SATL1: variants seen among roughly 807,000 people sequenced by gnomAD.
SATL1 encodes spermidine/spermine N(1)-acetyltransferase-like protein 1.
A neutral mutation model predicts 51.8 loss-of-function variants in SATL1; 47 were observed. The observed-to-expected ratio is 0.91, with a 90% confidence interval of 0.72 to 1.16. The LOEUF is 1.16. SATL1 is among the 50% of genes most tolerant of loss of function. The pLI is 0.00. For synonymous variants in SATL1, 176 were observed against 182.4 expected, an observed-to-expected ratio of 0.97 and a Z score of 0.28; for missense variants, 520 against 526.4, an observed-to-expected ratio of 0.99 and a Z score of 0.12.
At chrX:85,221,584 T>G (rs1313009849) in intron 2 of SATL1, among the ~76,000 whole-genome samples, 2 of 112,115 alleles carry the variant, frequency 1.8e-5, no homozygotes, top group Admixed American at 1.9e-4. Flanking sequence ...TTGGTTTCTC[T>G]TTTAGAGCCT....
intron 2 of SATL1, among the ~76,000 whole-genome samples, chrX:85,152,998 T>TA (rs35172254): frequency 1.7e-4 from 18 of 108,237 alleles, no homozygotes; most frequent in Non-Finnish European, 2.1e-4. Flanking sequence ...AAATAAAAAT[T>TA]AAAAAAAAAT....
intron 2 of SATL1, among the ~76,000 whole-genome samples, chrX:85,220,644 TAAAAAAAAAAAAAAAAAAAAAAAA>T (rs57383092): frequency 4.6e-4 from 11 of 24,162 alleles, no homozygotes; most frequent in East Asian, 3.7e-3. Context: ...ACTTCTGTGT[TAAAAAAAAAAAAAAAAAAAAAAAA>T]AAAAAAAAAA....
intron 4 of SATL1, among the ~76,000 whole-genome samples, chrX:85,095,463 T>G (rs1407983099): frequency 1.8e-5 from 2 of 111,353 alleles, no homozygotes; most frequent in African/African-American, 6.5e-5. Flanking sequence ...GGAGCTGCCC[T>G]GTTTTGTGAG....
chrX:85,097,792 A>C (rs1924774674), intron 4 of SATL1, among the ~76,000 whole-genome samples: 1 of 112,389 alleles, frequency 8.9e-6, no homozygotes, highest in South Asian at 3.7e-4. Flanking sequence ...ATAACCATCA[A>C]ATATAATCCC....
chrX:85,154,935 T>G (rs761602333), intron 2 of SATL1, among the ~76,000 whole-genome samples: 5 of 111,823 alleles, frequency 4.5e-5, no homozygotes, highest in Non-Finnish European at 9.4e-5. Context: ...TTACCCTCTA[T>G]GCAGTATAAA....
intron 2 of SATL1, among the ~76,000 whole-genome samples, chrX:85,152,208 A>G (rs1926463076): frequency 8.9e-6 from 1 of 112,445 alleles, no homozygotes; most frequent in African/African-American, 3.2e-5. Flanking sequence ...CAAAAGACAC[A>G]TAAAAAAATG....
chrX:85,168,912 T>C (rs926758890), intron 2 of SATL1, among the ~76,000 whole-genome samples: 5 of 111,601 alleles, frequency 4.5e-5, no homozygotes, highest in Non-Finnish European at 9.4e-5. Flanking sequence ...ATACTACTTG[T>C]ACAAAAACAG....
chrX:85,134,304 G>A (rs1925894332), intron 2 of SATL1, among the ~76,000 whole-genome samples: 1 of 111,178 alleles, frequency 9.0e-6, no homozygotes, highest in Admixed American at 9.6e-5. Flanking sequence ...AATGAGAAAT[G>A]TCTGACTCAT....
At chrX:85,117,084 C>T (rs958911005) in intron 2 of SATL1, among the ~76,000 whole-genome samples, 7 of 111,665 alleles carry the variant, frequency 6.3e-5, no homozygotes, top group African/African-American at 2.3e-4. Context: ...ATGCGGGCAG[C>T]CCAGCCCATG....
At chrX:85,217,849 C>T (rs1187015111) in intron 2 of SATL1, among the ~76,000 whole-genome samples, 1 of 111,876 alleles carries the variant, frequency 8.9e-6, no homozygotes, top group Non-Finnish European at 1.9e-5. Flanking sequence ...GAAACACCTT[C>T]TAATCTCTAA....
chrX:85,159,385 C>T (rs1156282700), intron 2 of SATL1, among the ~76,000 whole-genome samples: 1 of 111,585 alleles, frequency 9.0e-6, no homozygotes, highest in Non-Finnish European at 1.9e-5. Context: ...GCATTAGATT[C>T]TCATAGGCAT....
In SATL1 at chrX:85,121,386, T is replaced by A. The variant is rs186121204; in HGVS notation, c.-312-12106A>T. Among the ~76,000 whole-genome samples the A allele has an allele frequency of 9.6e-5, 10 of 104,335 alleles. No homozygotes were observed. The Admixed American group carries it at 9.8e-4, about 10-fold the overall frequency. 90.6% of individuals were successfully genotyped at this position (104,335 alleles called of 115,157 possible). A position where few individuals can be genotyped will look rare whatever the true frequency, so the allele number is the denominator to read the frequency against. On this transcript the variant is annotated intron_variant, in intron 2 of 7. Coordinates refer to ENST00000644105, the MANE Select transcript of SATL1 (RefSeq NM_001367857.2). ...GTATGTATATAAATATATAAATATA[T>A]ACTATATATAAATATATATATTTCT...
At chrX:85,203,012 C>T (rs1419893696) in intron 2 of SATL1, among the ~76,000 whole-genome samples, 2 of 110,949 alleles carry the variant, frequency 1.8e-5, no homozygotes, top group Admixed American at 1.9e-4. Flanking sequence ...CAGGACCTGC[C>T]CAGTGAGGAG....
chrX:85,132,182 T>C (rs1284405701), intron 2 of SATL1, among the ~76,000 whole-genome samples: 2 of 111,596 alleles, frequency 1.8e-5, no homozygotes, highest in Non-Finnish European at 3.8e-5. Flanking sequence ...TTTCCTGAAT[T>C]TGAATGTTGG....
intron 2 of SATL1, among the ~76,000 whole-genome samples, chrX:85,165,827 T>A (rs979908975): frequency 9.0e-6 from 1 of 111,511 alleles, no homozygotes; most frequent in African/African-American, 3.3e-5. Context: ...AAAGCAAGAC[T>A]AAACAAAAAG....
chrX:85,143,101 G>C lies in SATL1; in HGVS notation c.-312-33821C>G, dbSNP rs1926148287. 2.7e-5 allele frequency: 3 copies of C among 111,334 alleles called. No individual in the cohort carries two copies. The South Asian group carries it at 1.1e-3, about 42-fold the overall frequency. 9.2% of individuals were successfully genotyped at this position (111,334 alleles called of 1,213,427 possible). On this transcript the variant is annotated intron_variant, in intron 2 of 7. Coordinates refer to ENST00000644105, the MANE Select transcript of SATL1 (RefSeq NM_001367857.2). ...ATGTTTCAAGCAAAGGTTTAACTTT[G>C]GCAAATAATAAAACATGAACCTTAG...
chrX:85,193,156 T>A (rs978386150), intron 2 of SATL1, among the ~76,000 whole-genome samples: 1 of 111,973 alleles, frequency 8.9e-6, no homozygotes, highest in African/African-American at 3.2e-5. Context: ...ACCTAATTGA[T>A]TCCTGTTACT....
intron 2 of SATL1, among the ~76,000 whole-genome samples, chrX:85,187,507 A>T (rs888325390): frequency 1.8e-5 from 2 of 111,640 alleles, no homozygotes; most frequent in Admixed American, 1.9e-4. Context: ...TAACCAATTT[A>T]TTGAGAGTTT....
At chrX:85,121,955 G>C (rs1239486441) in intron 2 of SATL1, among the ~76,000 whole-genome samples, 1 of 108,303 alleles carries the variant, frequency 9.2e-6, no homozygotes, top group Non-Finnish European at 1.9e-5. Context: ...ACATATATCA[G>C]AACATCGTGT....
Sources: gnomAD v4.1 joint callset for allele counts (sites outside exome capture counted in the v4.1 genomes callset) on GRCh38, gnomAD v4.1.1 for gene constraint, MANE v1.5 for transcripts, NCBI Gene and HGNC (gene_info 2026-07-23, HGNC 2026-07-21) for gene names.